HPSE2: variants seen among roughly 807,000 people sequenced by gnomAD.
HPSE2 encodes heparanase 2 (inactive).
A neutral mutation model predicts 60.5 loss-of-function variants in HPSE2; 38 were observed. That is an observed-to-expected ratio of 0.63 (90% CI 0.48 to 0.82). HPSE2 has a LOEUF of 0.82. HPSE2 is among the 40% of genes least tolerant of loss of function. HPSE2 has a pLI of 0.00. For synonymous variants in HPSE2, 295 were observed against 293.2 expected (o/e 1.01, Z -0.06); for missense variants, 713 against 740.4 (o/e 0.96, Z 0.43).
chr10:98,619,834 C>T (rs149997073), intron 8 of HPSE2, among the ~76,000 whole-genome samples: 52 of 152,334 alleles, frequency 3.4e-4, no homozygotes, highest in African/African-American at 1.2e-3. Flanking sequence ...AGAAATACTT[C>T]ATTCCTTTGC....
chr10:98,600,804 G>A (rs61125507), intron 9 of HPSE2, among the ~76,000 whole-genome samples: 52,427 of 90,944 alleles, frequency 0.58, 12,754 homozygotes, highest in Non-Finnish European at 0.67. Context: ...ATATATACAC[G>A]TGTGTGCGTG....
intron 3 of HPSE2, among the ~76,000 whole-genome samples, chr10:99,019,679 T>C (rs1589527183): frequency 6.6e-6 from 1 of 152,014 alleles, no homozygotes; most frequent in Non-Finnish European, 1.5e-5. Context: ...ACGGCAGGTG[T>C]ATTCCTTTTC....
At chr10:98,469,589 T>C (rs1356460009) in intron 11 of HPSE2, among the ~76,000 whole-genome samples, 1 of 152,178 alleles carries the variant, frequency 6.6e-6, no homozygotes, top group Non-Finnish European at 1.5e-5. Flanking sequence ...TATAAAGATA[T>C]TACACAAAGA....
intron 9 of HPSE2, among the ~76,000 whole-genome samples, chr10:98,491,755 A>G (rs958505909): frequency 3.3e-4 from 50 of 152,208 alleles, no homozygotes; most frequent in African/African-American, 1.1e-3. Context: ...TATGAAAGCA[A>G]ATAGGGATCC....
At chr10:98,771,571 T>C (rs780894707) in intron 3 of HPSE2, among the ~76,000 whole-genome samples, 8 of 152,052 alleles carry the variant, frequency 5.3e-5, no homozygotes, top group Non-Finnish European at 1.2e-4. Flanking sequence ...AGAAAACAAA[T>C]GAGACTATGT....
chr10:98,750,937 T>C, intron 3 of HPSE2, among the ~76,000 whole-genome samples: 1 of 152,140 alleles, frequency 6.6e-6, no homozygotes, highest in East Asian at 1.9e-4. Context: ...GAGAACCTTT[T>C]ACTGGAAAGA....
chr10:99,205,224 T>C (rs1469422223), intron 2 of HPSE2, among the ~76,000 whole-genome samples: 1 of 152,134 alleles, frequency 6.6e-6, no homozygotes, highest in East Asian at 1.9e-4. Context: ...GAAGCACGTG[T>C]AGCTCCCGAA....
At chr10:98,805,481 A>C (rs1951020532) in intron 3 of HPSE2, among the ~76,000 whole-genome samples, 1 of 152,160 alleles carries the variant, frequency 6.6e-6, no homozygotes. Context: ...GCAAGTGTAT[A>C]TATTTATGGG....
Position 98,594,041 on chromosome 10 carries a change from T to C in HPSE2, c.1320+20863A>G, listed in dbSNP as rs373504658. Among the ~76,000 whole-genome samples the C allele has an allele frequency of 1.4e-4, 21 of 152,162 alleles. No homozygotes were observed. In the East Asian group the frequency reaches 1.9e-3, roughly 14 times the overall value. On this transcript the variant is annotated intron_variant, in intron 9 of 11. Transcript: ENST00000370552. ...TAAATTGACAAATAAAAATTATACA[T>C]ATATTTTTGGTGTGCAACATGTTTT...
intron 9 of HPSE2, among the ~76,000 whole-genome samples, chr10:98,572,883 C>T (rs1473864114): frequency 6.6e-6 from 1 of 152,220 alleles, no homozygotes; most frequent in Admixed American, 6.5e-5. Flanking sequence ...AGTATTTCTA[C>T]TGACGTGTAC....
At chr10:99,307,832 G>GCACA in the HPSE2 span, among the ~76,000 whole-genome samples, 202 of 134,504 alleles carry the variant, frequency 1.5e-3, 3 homozygotes, top group Admixed American at 9.0e-3. Context: ...TAGTAAATGC[G>GCACA]CACACACACA....
chr10:98,608,816 G>A (rs578169562), intron 9 of HPSE2, among the ~76,000 whole-genome samples: 18 of 151,960 alleles, frequency 1.2e-4, no homozygotes, highest in Admixed American at 3.3e-4. Flanking sequence ...TGGCTCCCAC[G>A]GGAAAGAAAA....
intron 2 of HPSE2, among the ~76,000 whole-genome samples, chr10:99,230,328 A>T (rs1351644653): frequency 6.6e-6 from 1 of 152,226 alleles, no homozygotes; most frequent in African/African-American, 2.4e-5. Flanking sequence ...ATCCTTATAA[A>T]GGGAAAATTC....
chr10:99,155,825 T>A (rs1400922422), intron 2 of HPSE2, among the ~76,000 whole-genome samples: 2 of 150,444 alleles, frequency 1.3e-5, no homozygotes, highest in South Asian at 2.1e-4. Flanking sequence ...GCTGGTTTTT[T>A]GAAAGGATCA....
At chr10:99,155,414 C>A (rs1168452499) in intron 2 of HPSE2, among the ~76,000 whole-genome samples, 4 of 148,960 alleles carry the variant, frequency 2.7e-5, no homozygotes, top group African/African-American at 9.8e-5. Flanking sequence ...TCTCAGACCA[C>A]AGTGCAATCA....
intron 3 of HPSE2, among the ~76,000 whole-genome samples, chr10:99,072,228 C>T (rs558330857): frequency 6.6e-6 from 1 of 152,176 alleles, no homozygotes; most frequent in East Asian, 1.9e-4. Context: ...CCATTCAGGA[C>T]ATACACGCCA....
the HPSE2 span, among the ~76,000 whole-genome samples, chr10:99,307,830 G>GCACACACACACACACA: frequency 2.8e-4 from 40 of 141,104 alleles, 1 homozygote; most frequent in African/African-American, 9.0e-4. Context: ...CCTAGTAAAT[G>GCACACACACACACACA]CGCACACACA....
chr10:99,071,434 C>T (rs1364829488), intron 3 of HPSE2, among the ~76,000 whole-genome samples: 1 of 152,104 alleles, frequency 6.6e-6, no homozygotes, highest in East Asian at 1.9e-4. Flanking sequence ...CACATTCCCA[C>T]CAGCTGAGTA....
At chr10:98,670,926 A>C (rs1041653160) in intron 6 of HPSE2, among the ~76,000 whole-genome samples, 1 of 152,236 alleles carries the variant, frequency 6.6e-6, no homozygotes, top group African/African-American at 2.4e-5. Flanking sequence ...CAATGCTCCC[A>C]GCTGAATAAA....
Sources: gnomAD v4.1 joint callset for allele counts (sites outside exome capture counted in the v4.1 genomes callset) on GRCh38, gnomAD v4.1.1 for gene constraint, MANE v1.5 for transcripts, NCBI Gene and HGNC (gene_info 2026-07-23, HGNC 2026-07-21) for gene names.